The following NRXN1 variants were observed in gnomAD, a reference collection of about 807,000 sequenced individuals.
NRXN1 encodes neurexin 1, also known as neurexin-1.
NRXN1 carries 39 observed loss-of-function variants against 150.9 expected under a neutral mutation model. That is an observed-to-expected ratio of 0.26 (90% CI 0.20 to 0.34). The LOEUF (loss-of-function observed/expected upper bound fraction) is 0.34, where lower values mean the gene tolerates loss of function less well. Among genes scored for constraint, NRXN1 ranks in the 10% least tolerant of loss-of-function variants. The pLI is 1.00. For synonymous variants in NRXN1, 924 were observed against 757.0 expected, an observed-to-expected ratio of 1.22 and a Z score of -3.62; for missense variants, 1,815 against 1,949.9, an observed-to-expected ratio of 0.93 and a Z score of 1.30.
chr2:50,587,172 T>C (rs957478831), intron 8 of NRXN1, among the ~76,000 whole-genome samples: 2 of 152,310 alleles, frequency 1.3e-5, no homozygotes, highest in African/African-American at 4.8e-5. Flanking sequence ...GATTTCCTCA[T>C]TGGTGAAGCG....
At chr2:50,070,071 C>T (rs866590800) in intron 19 of NRXN1, among the ~76,000 whole-genome samples, 3 of 151,932 alleles carry the variant, frequency 2.0e-5, no homozygotes, top group African/African-American at 4.8e-5. Context: ...AGGGTGATTT[C>T]GATCTCCTGA....
At chr2:51,020,924 A>G (rs1558599856) in intron 2 of NRXN1, among the ~76,000 whole-genome samples, 2 of 151,958 alleles carry the variant, frequency 1.3e-5, no homozygotes, top group Non-Finnish European at 2.9e-5. Context: ...AAAAAACAAA[A>G]AGCCTTGCAA....
chr2:50,286,211 A>G (rs1029955794), intron 17 of NRXN1, among the ~76,000 whole-genome samples: 4 of 152,112 alleles, frequency 2.6e-5, no homozygotes, highest in Non-Finnish European at 5.9e-5. Flanking sequence ...CACCATGTAC[A>G]ATAGATCTCT....
chr2:50,770,469 A>T (rs1197872268), intron 5 of NRXN1, among the ~76,000 whole-genome samples: 2 of 151,934 alleles, frequency 1.3e-5, no homozygotes, highest in African/African-American at 2.4e-5. Flanking sequence ...GTTACATTGG[A>T]CTAAGGTGCG....
chr2:50,820,688 G>A (rs1237346971), intron 5 of NRXN1, among the ~76,000 whole-genome samples: 1 of 152,068 alleles, frequency 6.6e-6, no homozygotes, highest in Non-Finnish European at 1.5e-5. Context: ...TTTCCCAGAC[G>A]CTTCTAAAGC....
intron 17 of NRXN1, among the ~76,000 whole-genome samples, chr2:50,309,164 T>A (rs964558031): frequency 2.0e-5 from 3 of 152,206 alleles, no homozygotes; most frequent in African/African-American, 7.2e-5. Flanking sequence ...CATTTTACTT[T>A]TTATGCAGAT....
intron 5 of NRXN1, chr2:50,757,949 G>A (rs576939479): frequency 6.6e-6 from 1 of 151,722 alleles, no homozygotes; most frequent in Non-Finnish European, 1.5e-5. Flanking sequence ...AGGACCTCCT[G>A]ACACATTCAC....
At position 50,660,253 on chromosome 2, in the gene NRXN1, G is replaced by A. The variant is rs189447736; in HGVS notation, c.833-36638C>T. Among the ~76,000 whole-genome samples, 41 of 152,054 alleles carry A rather than the reference G, an allele frequency of 2.7e-4. 1 individual carries two copies. In the East Asian group the frequency reaches 8.0e-3, roughly 30 times the overall value. ...GAAATAGATGCATTGAGAAGTTAAG[G>A]TTTTCATGTAAGATAACAGAGGTAA... On this transcript the variant is annotated intron_variant, in intron 5 of 22. Transcript: ENST00000401669.
chr2:50,199,901 G>T (rs77268549), intron 18 of NRXN1, among the ~76,000 whole-genome samples: 1,697 of 152,154 alleles, frequency 0.011, 40 homozygotes, highest in African/African-American at 0.039. Flanking sequence ...TAGAAAATCA[G>T]ATATATAGAA....
At chr2:49,984,470 C>T (rs545512950) in intron 21 of NRXN1, among the ~76,000 whole-genome samples, 1 of 151,990 alleles carries the variant, frequency 6.6e-6, no homozygotes, top group Admixed American at 6.6e-5. Context: ...CAAAATAATG[C>T]TTATGAATAA....
intron 15 of NRXN1, among the ~76,000 whole-genome samples, chr2:50,479,845 C>T (rs1051275985): frequency 1.7e-4 from 21 of 120,798 alleles, no homozygotes; most frequent in African/African-American, 6.6e-4. Flanking sequence ...ACAATCTTGG[C>T]TCACTGCAAC....
At chr2:50,464,900 T>C (rs2088653171) in intron 17 of NRXN1, among the ~76,000 whole-genome samples, 1 of 151,886 alleles carries the variant, frequency 6.6e-6, no homozygotes, top group African/African-American at 2.4e-5. Flanking sequence ...GCTTATATTG[T>C]AATACTTAGT....
intron 18 of NRXN1, among the ~76,000 whole-genome samples, chr2:50,235,485 T>C (rs1023517028): frequency 6.9e-4 from 105 of 152,118 alleles, no homozygotes; most frequent in African/African-American, 2.5e-3. Flanking sequence ...TTGTGGTCAG[T>C]GTAAACTCCT....
intron 17 of NRXN1, among the ~76,000 whole-genome samples, chr2:50,357,177 G>A (rs958683818): frequency 9.9e-5 from 15 of 151,988 alleles, no homozygotes; most frequent in Non-Finnish European, 1.3e-4. Context: ...GCTAACATAG[G>A]AGGATCACTT....
chr2:50,191,216 T>G (rs2152822508), intron 18 of NRXN1, among the ~76,000 whole-genome samples: 1 of 151,592 alleles, frequency 6.6e-6, no homozygotes, highest in South Asian at 2.1e-4. Flanking sequence ...TTTTTTTTTT[T>G]TTTAGTAGAG....
At chr2:50,244,559 C>T (rs955323668) in intron 17 of NRXN1, among the ~76,000 whole-genome samples, 1 of 151,816 alleles carries the variant, frequency 6.6e-6, no homozygotes, top group Admixed American at 6.6e-5. Flanking sequence ...TAAGTGCCAA[C>T]TGTGTGAAAG....
chr2:50,638,218 T>A (rs549870166), intron 5 of NRXN1, among the ~76,000 whole-genome samples: 1 of 152,268 alleles, frequency 6.6e-6, no homozygotes. Flanking sequence ...CCAGGAACCC[T>A]ACCCACTTCC....
At chr2:50,474,456 A>T (rs1256932517) in intron 15 of NRXN1, among the ~76,000 whole-genome samples, 1 of 151,770 alleles carries the variant, frequency 6.6e-6, no homozygotes, top group African/African-American at 2.4e-5. Context: ...TTCTAATTTA[A>T]GGACTGAGCT....
intron 17 of NRXN1, among the ~76,000 whole-genome samples, chr2:50,241,654 C>T (rs2066009029): frequency 6.6e-6 from 1 of 151,842 alleles, no homozygotes; most frequent in African/African-American, 2.4e-5. Context: ...ATACTTTACA[C>T]TCCAATAAAT....
Sources: allele counts gnomAD v4.1 joint callset (sites outside exome capture counted in the v4.1 genomes callset), GRCh38; gene constraint gnomAD v4.1.1; transcripts MANE v1.5; gene names NCBI Gene and HGNC (gene_info 2026-07-23, HGNC 2026-07-21).